ZNF384: variants seen among roughly 807,000 people sequenced by gnomAD.
ZNF384 encodes CAG repeat protein 1.
In ZNF384, 20 loss-of-function variants were observed where a neutral mutation model predicts 65.0. That is an observed-to-expected ratio of 0.31 (90% CI 0.22 to 0.45). The LOEUF (loss-of-function observed/expected upper bound fraction) is 0.45. ZNF384 is among the 20% of genes least tolerant of loss of function. ZNF384 has a pLI of 1.00. For synonymous variants in ZNF384, 310 were observed against 303.9 expected, an observed-to-expected ratio of 1.02 and a Z score of -0.21; for missense variants, 549 against 769.4, an observed-to-expected ratio of 0.71 and a Z score of 3.39.
intron 7 of ZNF384, among the ~76,000 whole-genome samples, chr12:6,674,487 T>C (rs1182219740): frequency 6.6e-6 from 1 of 151,910 alleles, no homozygotes; most frequent in Non-Finnish European, 1.5e-5. Flanking sequence ...CTTTGGGTTC[T>C]CCCTAACTTA....
chr12:6,685,476 G>A (rs1957569890), intron 2 of ZNF384, among the ~76,000 whole-genome samples: 2 of 151,640 alleles, frequency 1.3e-5, no homozygotes, highest in South Asian at 2.1e-4. Context: ...TCTGTTAATA[G>A]GAAGGGAGGT....
At chr12:6,686,094 C>T (rs1428089876) in intron 2 of ZNF384, among the ~76,000 whole-genome samples, 3 of 152,138 alleles carry the variant, frequency 2.0e-5, no homozygotes, top group African/African-American at 7.2e-5. Flanking sequence ...ATCTCTTTCC[C>T]AGAACCCACT....
At chr12:6,670,455 T>G (rs938462446) in intron 10 of ZNF384, among the ~76,000 whole-genome samples, 1 of 152,040 alleles carries the variant, frequency 6.6e-6, no homozygotes, top group Non-Finnish European at 1.5e-5. Context: ...CCTGCAAAAA[T>G]GTATAATAAT....
At chr12:6,689,513 T>A (rs1233370769), upstream of ZNF384, 1 of 151,494 alleles carries the variant, frequency 6.6e-6, no homozygotes, top group East Asian at 1.9e-4. Context: ...GAAATAGCAA[T>A]GTAGGGGGGG....
Position 6,666,710 on chromosome 12 carries a change from AAAAT to A in ZNF384, c.*1000_*1003del, listed in dbSNP as rs1396623434. On this transcript the variant is annotated 3_prime_UTR_variant, in exon 12 of 12. Coordinates refer to ENST00000683879, the MANE Select transcript of ZNF384 (RefSeq NM_001385745.1). ...GGTGGAGAGAGGGAAAAAAAGGACA[AAAAT>A]AAACAAAACATCAAATATGAAAATT... 1 of 171,316 alleles carries A rather than the reference AAAAT, an allele frequency of 5.8e-6. No homozygotes were observed. The highest frequency in any genetic ancestry group is 1.3e-5 in the Non-Finnish European group (1 of 79,402). The allele number at this position is 171,316 out of a possible 1,614,324, so 10.6% of individuals were successfully genotyped here.
At position 6,678,150 on chromosome 12, in the gene ZNF384, A is replaced by G. The variant is rs759867205; in HGVS notation, c.663T>C (p.His221=). 6.2e-7 allele frequency: 1 copy of G among 1,612,586 alleles called. No individual in the cohort carries two copies. The highest frequency in any genetic ancestry group is 8.5e-7 in the Non-Finnish European group (1 of 1,178,870). The change falls in exon 6 of 12, where the codon CAT becomes CAC. Residue 221 remains histidine (H), a synonymous_variant. Coordinates refer to ENST00000683879, the MANE Select transcript of ZNF384 (RefSeq NM_001385745.1). This position sits in a 1 kb window ranked among gnomAD's most constrained non-coding sequence, Gnocchi z 4.9. Reference sequence around the variant, plus strand: ...ACCTGTAGGTCTTGCCGTCTTTCTGATGGTCATCATCATCCTCAGGGGAGA... The same window carrying G: ...ACCTGTAGGTCTTGCCGTCTTTCTGGTGGTCATCATCATCCTCAGGGGAGA... The part of the protein sequence containing the change: ...YVLSPEDDDD[H]QKDGKTYRSE...
Position 6,673,100 on chromosome 12 carries a change from A to T in ZNF384, c.1004+116T>A. 1 of 945,520 alleles carries T rather than the reference A, an allele frequency of 1.1e-6. No homozygotes were observed. The highest frequency in any genetic ancestry group is 1.6e-6 in the Non-Finnish European group (1 of 627,842). 58.6% of individuals were successfully genotyped at this position (945,520 alleles called of 1,614,324 possible). A position where few individuals can be genotyped will look rare whatever the true frequency, so the allele number is the denominator to read the frequency against. ...CAGACAGTAATAGGAGGTTGAGGCT[A>T]CCAATGGGCAAAGGTGAAAGGGAAA... On this transcript the variant is annotated intron_variant, in intron 8 of 11. Transcript: ENST00000683879. This position sits in a 1 kb window ranked among gnomAD's most constrained non-coding sequence, Gnocchi z 4.7.
rs766046311 is a variant in ZNF384, at chr12:6,678,293, C to T, written c.520G>A (p.Glu174Lys). 2.4e-5 allele frequency: 39 copies of T among 1,614,022 alleles called. No individual in the cohort carries two copies. The highest frequency in any genetic ancestry group is 9.3e-5 in the African/African-American group (7 of 74,902). The change falls in exon 6 of 12, where the codon GAG becomes AAG. Residue 174 changes from glutamate (E) to lysine (K), a missense_variant. Glu to Lys is a moderately conservative substitution (Grantham distance 56). Around this residue, in one of 5 missense-constraint regions of ZNF384, gnomAD observed 277 missense variants for 337.2 expected, o/e 0.82. Transcript: ENST00000683879. This position sits in a 1 kb window ranked among gnomAD's most constrained non-coding sequence, Gnocchi z 4.9. ...CCACCACCACCTCCGCCTCCTTCCT[C>T]GGTTAGGGTCGATGCTACCTTCTTG... is the stretch of plus-strand genomic sequence containing the variant. ...LSKKVASTLT[E>K]EGGGGGGGGG...
chr12:6,679,564 T>C, intron 2 of ZNF384, 39 bp from the exon 3 acceptor site: 1 of 1,543,420 alleles, frequency 6.5e-7, no homozygotes. Context: ...ACTCAGGAAT[T>C]ACTCAGAAAA....
chr12:6,667,703 A>G lies in ZNF384; in HGVS notation c.*11T>C, dbSNP rs1485696962. 6.2e-7 allele frequency: 1 copy of G among 1,614,138 alleles called. No homozygotes were observed. The highest frequency in any genetic ancestry group is 1.3e-5 in the African/African-American group (1 of 75,058). On this transcript the variant is annotated 3_prime_UTR_variant, in exon 12 of 12. Coordinates refer to ENST00000683879, the MANE Select transcript of ZNF384 (RefSeq NM_001385745.1). ...CTTCTTCCTCTTCCCAGTGGGTGGC[A>G]GCACGGATCTCTAAGAGCTGGCCAG...
At chr12:6,668,157 G>A in intron 11 of ZNF384, 42 bp from the exon 12 acceptor site, 3 of 1,510,290 alleles carry the variant, frequency 2.0e-6, no homozygotes, top group Non-Finnish European at 2.7e-6. Context: ...TAAAGAGGAA[G>A]GAAAAGAGAT....
At position 6,672,585 on chromosome 12, in the gene ZNF384, G is replaced by A. The variant is rs1447550341; in HGVS notation, c.1005-53C>T. 1.9e-6 allele frequency: 3 copies of A among 1,562,228 alleles called. No homozygotes were observed. The highest frequency in any genetic ancestry group is 3.5e-5 in the Admixed American group (2 of 57,056). ...GGAGGAGGAAGCAGTTCGACACCAG[G>A]GGCTCAGCTCTCTGCTGGGTGAAAT... On this transcript the variant is annotated intron_variant, in intron 8 of 11. Coordinates refer to ENST00000683879, the MANE Select transcript of ZNF384 (RefSeq NM_001385745.1). This position sits in a 1 kb window ranked among gnomAD's most constrained non-coding sequence, Gnocchi z 4.4.
chr12:6,687,758 G>A (rs1482461055), intron 2 of ZNF384, among the ~76,000 whole-genome samples: 1 of 152,158 alleles, frequency 6.6e-6, no homozygotes, highest in Non-Finnish European at 1.5e-5. Flanking sequence ...ATTTGGGATA[G>A]GAACTCCATT....
At chr12:6,668,168 T>C in intron 11 of ZNF384, 53 bp from the exon 12 acceptor site, 1 of 1,473,316 alleles carries the variant, frequency 6.8e-7, no homozygotes, top group Middle Eastern at 1.8e-4. Context: ...GAAAAGAGAT[T>C]ACTTGTAACT....
intron 2 of ZNF384, among the ~76,000 whole-genome samples, chr12:6,683,258 T>C (rs4764515): frequency 0.01 from 1,518 of 151,054 alleles, 24 homozygotes; most frequent in African/African-American, 0.036. Flanking sequence ...ACCACTGCAC[T>C]GCAGCCTGGG....
At chr12:6,680,000 A>T (rs2137019869) in intron 2 of ZNF384, among the ~76,000 whole-genome samples, 1 of 152,332 alleles carries the variant, frequency 6.6e-6, no homozygotes, top group Admixed American at 6.5e-5. Context: ...TGTTTTTGAG[A>T]CAGGGTCTTA....
intron 2 of ZNF384, among the ~76,000 whole-genome samples, chr12:6,683,791 G>T (rs1956964934): frequency 6.6e-6 from 1 of 152,186 alleles, no homozygotes; most frequent in African/African-American, 2.4e-5. Context: ...GGCCAAGGCA[G>T]GTGGATCACA....
At chr12:6,675,568 G>A (rs1372894735) in intron 7 of ZNF384, among the ~76,000 whole-genome samples, 2 of 152,150 alleles carry the variant, frequency 1.3e-5, no homozygotes, top group Non-Finnish European at 2.9e-5. Context: ...GTGCTGGGTG[G>A]TTGGAAAGAA....
chr12:6,680,830 T>C (rs750021529), intron 2 of ZNF384, among the ~76,000 whole-genome samples: 23 of 152,116 alleles, frequency 1.5e-4, no homozygotes, highest in Non-Finnish European at 3.1e-4. Flanking sequence ...CTGGCACTAG[T>C]AGTAACCCAG....
Sources: allele counts gnomAD v4.1 joint callset (sites outside exome capture counted in the v4.1 genomes callset), GRCh38; gene constraint gnomAD v4.1.1; regional missense constraint gnomAD v4.1.1; non-coding constraint Gnocchi (gnomAD v3.1); transcripts MANE v1.5; gene names NCBI Gene and HGNC (gene_info 2026-07-23, HGNC 2026-07-21).